DDAH1: variants seen among roughly 807,000 people sequenced by gnomAD.
DDAH1 encodes the protein N(G),N(G)-dimethylarginine dimethylaminohydrolase 1.
Under a neutral mutation model 28.8 loss-of-function variants are expected in DDAH1, and 19 were observed. That is an observed-to-expected ratio of 0.66 (90% confidence interval 0.46 to 0.97). DDAH1 has a LOEUF of 0.97. Ranked by LOEUF, DDAH1 falls within the 50% of genes least tolerant of loss-of-function variation. DDAH1 has a pLI of 0.00. For synonymous variants in DDAH1, 153 were observed against 154.4 expected (o/e 0.99, Z 0.07); for missense variants, 326 against 375.9 (o/e 0.87, Z 1.10).
intron 1 of DDAH1, among the ~76,000 whole-genome samples, chr1:85,576,343 G>T (rs1570689876): frequency 6.6e-6 from 1 of 152,196 alleles, no homozygotes; most frequent in South Asian, 2.1e-4. Flanking sequence ...CCGAGAGGAT[G>T]AGCAGCGTCC....
At chr1:85,481,355 C>G (rs932276078) in intron 2 of DDAH1, among the ~76,000 whole-genome samples, 1 of 152,122 alleles carries the variant, frequency 6.6e-6, no homozygotes, top group African/African-American at 2.4e-5. Flanking sequence ...GCCTCAGCCT[C>G]CCACAGTGTT....
chr1:85,459,199 A>T (rs949069233), intron 1 of DDAH1, among the ~76,000 whole-genome samples: 3 of 152,262 alleles, frequency 2.0e-5, no homozygotes, highest in Admixed American at 2.0e-4. Context: ...ATTTTGAAGA[A>T]ATCTGAGCTT....
At chr1:85,469,300 T>C (rs1655534282), upstream of DDAH1, among the ~76,000 whole-genome samples, 1 of 152,148 alleles carries the variant, frequency 6.6e-6, no homozygotes, top group Non-Finnish European at 1.5e-5. Flanking sequence ...TCACATCAGC[T>C]GTGGGGAGGC....
chr1:85,566,358 G>A lies in DDAH1; in HGVS notation c.-123+11626C>T, dbSNP rs372852366. On this transcript the variant is annotated intron_variant, in intron 1 of 6. Transcript: ENST00000426972. Reference sequence around the variant, plus strand: ...CTACAAAAAATTATCTGGGTGTGGTGGTGCACACCTGTAGTCCCAGCTACT... The same window carrying A: ...CTACAAAAAATTATCTGGGTGTGGTAGTGCACACCTGTAGTCCCAGCTACT... 6.7e-4 allele frequency among the ~76,000 whole-genome samples: 101 copies of A among 151,848 alleles called. 2 individuals are homozygous for A. The South Asian group carries it at 0.019, about 28-fold the overall frequency.
intron 1 of DDAH1, among the ~76,000 whole-genome samples, chr1:85,544,498 C>G (rs1319707762): frequency 6.6e-6 from 1 of 152,174 alleles, no homozygotes; most frequent in Admixed American, 6.5e-5. Flanking sequence ...GGGAAGAATG[C>G]CTGCCAGTGA....
intron 4 of DDAH1, among the ~76,000 whole-genome samples, chr1:85,347,201 A>AG (rs1201552013): frequency 1.3e-5 from 2 of 152,254 alleles, no homozygotes; most frequent in African/African-American, 2.4e-5. Context: ...TGTGGAAGAC[A>AG]GTGTGGCGAT....
chr1:85,470,547 T>C (rs1414933345), intron 2 of DDAH1, among the ~76,000 whole-genome samples: 1 of 152,234 alleles, frequency 6.6e-6, no homozygotes, highest in Non-Finnish European at 1.5e-5. Context: ...AAGGATGTCC[T>C]TGTCCAACCT....
At chr1:85,577,890 G>T in intron 1 of DDAH1, 1 of 823,292 alleles carries the variant, frequency 1.2e-6, no homozygotes, top group Non-Finnish European at 1.5e-6. Flanking sequence ...AAACAAGGCA[G>T]TCCGTTATTT....
intron 2 of DDAH1, among the ~76,000 whole-genome samples, chr1:85,489,580 T>C (rs574438749): frequency 3.9e-4 from 60 of 152,142 alleles, no homozygotes; most frequent in Admixed American, 5.9e-4. Flanking sequence ...TTGTTGGTGG[T>C]TTCAAGGAGT....
At chr1:85,494,049 G>A (rs1398647779) in intron 2 of DDAH1, 3 of 152,178 alleles carry the variant, frequency 2.0e-5, no homozygotes, top group African/African-American at 7.2e-5. Context: ...TTAAAATGTA[G>A]AAGGTCATAT....
At chr1:85,390,833 T>C (rs1390598442) in intron 1 of DDAH1, among the ~76,000 whole-genome samples, 1 of 152,186 alleles carries the variant, frequency 6.6e-6, no homozygotes, top group Non-Finnish European at 1.5e-5. Flanking sequence ...TACAGAATTA[T>C]GGCTCAGGAA....
At chr1:85,411,805 A>T (rs1652665680) in intron 1 of DDAH1, among the ~76,000 whole-genome samples, 1 of 152,194 alleles carries the variant, frequency 6.6e-6, no homozygotes, top group Non-Finnish European at 1.5e-5. Context: ...TATTCTGATC[A>T]TGCTGGCTTC....
chr1:85,547,072 C>T (rs1435611008), intron 1 of DDAH1, among the ~76,000 whole-genome samples: 1 of 152,100 alleles, frequency 6.6e-6, no homozygotes, highest in Non-Finnish European at 1.5e-5. Context: ...TTTTCCCATC[C>T]TCTCAGAGGA....
chr1:85,446,132 C>A (rs1295937884), intron 1 of DDAH1, among the ~76,000 whole-genome samples: 1 of 152,164 alleles, frequency 6.6e-6, no homozygotes, highest in African/African-American at 2.4e-5. Flanking sequence ...TTGTATTAGT[C>A]TGCTTTCATA....
At chr1:85,335,634 T>G (rs971914975) in intron 4 of DDAH1, among the ~76,000 whole-genome samples, 1 of 152,146 alleles carries the variant, frequency 6.6e-6, no homozygotes, top group Non-Finnish European at 1.5e-5. Context: ...TAAATACATA[T>G]GCACCCAACA....
chr1:85,376,393 A>C (rs1650666325), intron 1 of DDAH1, among the ~76,000 whole-genome samples: 1 of 152,212 alleles, frequency 6.6e-6, no homozygotes, highest in Non-Finnish European at 1.5e-5. Context: ...AAACAAATAA[A>C]GGAAACAGAT....
chr1:85,456,250 C>T lies in DDAH1; in HGVS notation c.303+8493G>A, dbSNP rs143480489. The stretch of plus-strand genomic sequence containing the variant: ...TAATTATAGATGCATTCTCAGTTTA[C>T]GCTGCACTTGAGATTCAATGGTGAC... On this transcript the variant is annotated intron_variant, in intron 1 of 5. Coordinates refer to ENST00000284031, the MANE Select transcript of DDAH1 (RefSeq NM_012137.4). Among the ~76,000 whole-genome samples, 173 of 152,302 alleles carry T rather than the reference C, an allele frequency of 1.1e-3. 1 individual carries two copies. Among genetic ancestry groups the T allele is most frequent in the South Asian group, 5.2e-3 (25 of 4,826 alleles).
intron 1 of DDAH1, among the ~76,000 whole-genome samples, chr1:85,556,310 G>T (rs1005689968): frequency 6.6e-6 from 1 of 152,132 alleles, no homozygotes; most frequent in African/African-American, 2.4e-5. Context: ...TTCTCCTGGT[G>T]GTTATTTTGG....
intron 1 of DDAH1, among the ~76,000 whole-genome samples, chr1:85,403,404 G>A (rs1652250326): frequency 6.6e-6 from 1 of 152,038 alleles, no homozygotes; most frequent in Non-Finnish European, 1.5e-5. Flanking sequence ...GTACTTGAAG[G>A]CTTGTTTCTG....
Sources: allele counts gnomAD v4.1 joint callset (sites outside exome capture counted in the v4.1 genomes callset), GRCh38; gene constraint gnomAD v4.1.1; transcripts MANE v1.5; gene names NCBI Gene and HGNC (gene_info 2026-07-23, HGNC 2026-07-21).